AGK: variants seen among roughly 807,000 people sequenced by gnomAD.
AGK encodes acylglycerol kinase.
AGK carries 52 observed loss-of-function variants against 66.4 expected under a neutral mutation model. The observed-to-expected ratio is 0.78, with a 90% confidence interval of 0.63 to 0.99. The LOEUF (loss-of-function observed/expected upper bound fraction) is 0.99, where lower values mean the gene tolerates loss of function less well. AGK is among the 50% of genes least tolerant of loss of function. The pLI, the probability that AGK is intolerant of heterozygous loss-of-function variation, is 0.00. For missense variants in AGK, 451 were observed against 506.6 expected (o/e 0.89, Z 1.05); for synonymous variants, 182 against 181.1 (o/e 1.00, Z -0.04).
chr7:141,596,098 ATAGAG>A (rs1289174039), intron 3 of AGK, among the ~76,000 whole-genome samples: 2 of 152,226 alleles, frequency 1.3e-5, no homozygotes, highest in African/African-American at 4.8e-5. Context: ...GAGAAGGCAA[ATAGAG>A]TATTCGGTTT....
chr7:141,640,753 A>G (rs1797270158), intron 11 of AGK, among the ~76,000 whole-genome samples: 2 of 152,096 alleles, frequency 1.3e-5, no homozygotes, highest in Non-Finnish European at 2.9e-5. Flanking sequence ...ATAGAAGACA[A>G]AAAAAATTAG....
intron 7 of AGK, 112 bp from the exon 8 acceptor site, chr7:141,615,359 G>T: frequency 5.3e-6 from 4 of 749,674 alleles, no homozygotes; most frequent in Non-Finnish European, 8.9e-6. Flanking sequence ...AAAGGAGATG[G>T]GGAGGCAGAT....
At chr7:141,611,516 T>G (rs1796589136) in intron 6 of AGK, among the ~76,000 whole-genome samples, 2 of 152,194 alleles carry the variant, frequency 1.3e-5, no homozygotes, top group Non-Finnish European at 2.9e-5. Flanking sequence ...TATTATCATA[T>G]TTAAGTTTGA....
At chr7:141,582,700 T>C (rs1159565797) in intron 2 of AGK, among the ~76,000 whole-genome samples, 1 of 151,974 alleles carries the variant, frequency 6.6e-6, no homozygotes, top group African/African-American at 2.4e-5. Flanking sequence ...ACCTTGATTA[T>C]GCCTTTAGCT....
At chr7:141,597,350 A>G (rs994478852) in intron 4 of AGK, 2 of 152,202 alleles carry the variant, frequency 1.3e-5, no homozygotes, top group Admixed American at 6.6e-5. Flanking sequence ...GTGTGTGGAG[A>G]CTCAAAGTCT....
intron 6 of AGK, among the ~76,000 whole-genome samples, chr7:141,613,877 A>G (rs1405975950): frequency 6.6e-6 from 1 of 152,200 alleles, no homozygotes; most frequent in Non-Finnish European, 1.5e-5. Context: ...TAGAACTTAA[A>G]ACATATTTTT....
At position 141,598,996 on chromosome 7, in the gene AGK, C is replaced by G. The variant is rs763376039; in HGVS notation, c.222-2209C>G. 2.0e-5 allele frequency: 3 copies of G among 152,100 alleles called. No individual in the cohort carries two copies. The highest frequency in any genetic ancestry group is 4.4e-5 in the Non-Finnish European group (3 of 68,008). The allele number at this position is 152,100 out of a possible 1,614,324, so 9.4% of individuals were successfully genotyped here. On this transcript the variant is annotated intron_variant, in intron 4 of 15. Coordinates refer to ENST00000649286, the MANE Select transcript of AGK (RefSeq NM_018238.4). The surrounding 1 kb of genome is among the most constrained non-coding windows in gnomAD (Gnocchi z 4.2). ...TTGTTTAAAACTATAACATCTTTAT[C>G]TAAAGGTAAGCTAAAATACTGCCAC...
At chr7:141,649,236 T>C in intron 13 of AGK, 27 bp from the exon 14 acceptor site, 1 of 1,552,510 alleles carries the variant, frequency 6.4e-7, no homozygotes, top group Non-Finnish European at 8.9e-7. Context: ...TTAAGAGTAA[T>C]GACGTTAGTG....
intron 9 of AGK, among the ~76,000 whole-genome samples, chr7:141,633,145 G>A (rs1797094518): frequency 6.6e-6 from 1 of 152,162 alleles, no homozygotes; most frequent in Non-Finnish European, 1.5e-5. Flanking sequence ...GCTCTCTTTA[G>A]AGTGTGGGGG....
In AGK at chr7:141,611,338, A is replaced by G. The variant is rs528029944; in HGVS notation, c.390+51A>G. On this transcript the variant is annotated intron_variant, in intron 6 of 15. Transcript: ENST00000649286. ...TATTTTGAAGGTGAGAAAAATGGAA[A>G]TTAAATCCTAGAGCAATGGTATGTT... The G allele has an allele frequency of 5.2e-5, 71 of 1,360,908 alleles. No individual in the cohort carries two copies. In the Admixed American group the frequency reaches 6.3e-4, roughly 12 times the overall value. The allele number at this position is 1,360,908 out of a possible 1,614,324, so 84.3% of individuals were successfully genotyped here.
intron 5 of AGK, among the ~76,000 whole-genome samples, chr7:141,604,413 T>TAC (rs943060142): frequency 5.3e-5 from 7 of 132,734 alleles, no homozygotes; most frequent in African/African-American, 1.6e-4. Flanking sequence ...TACACATACA[T>TAC]ACACACACAC....
intron 2 of AGK, among the ~76,000 whole-genome samples, chr7:141,582,823 G>A (rs911337982): frequency 4.0e-5 from 6 of 151,832 alleles, no homozygotes; most frequent in African/African-American, 1.2e-4. Context: ...GGATTATAGG[G>A]TAGGGGAGCG....
At chr7:141,633,608 G>A (rs1333324573) in intron 9 of AGK, among the ~76,000 whole-genome samples, 3 of 152,170 alleles carry the variant, frequency 2.0e-5, no homozygotes, top group Non-Finnish European at 2.9e-5. Context: ...TGACTGGCTC[G>A]AGAGGTAACA....
At chr7:141,600,895 T>C (rs922372507) in intron 4 of AGK, among the ~76,000 whole-genome samples, 2 of 152,196 alleles carry the variant, frequency 1.3e-5, no homozygotes, top group African/African-American at 2.4e-5. Flanking sequence ...CATTGTTGCC[T>C]GAATGGAACC....
intron 5 of AGK, among the ~76,000 whole-genome samples, chr7:141,610,131 G>A (rs1006466524): frequency 3.3e-5 from 5 of 151,930 alleles, no homozygotes; most frequent in Admixed American, 6.6e-5. Flanking sequence ...ACCATGCCTG[G>A]ATAATTTTTG....
chr7:141,577,295 G>A (rs984503394), intron 2 of AGK, among the ~76,000 whole-genome samples: 13 of 152,136 alleles, frequency 8.5e-5, no homozygotes, highest in Non-Finnish European at 1.8e-4. Context: ...GATTTCATCT[G>A]CATGATAAAA....
intron 13 of AGK, among the ~76,000 whole-genome samples, chr7:141,642,245 T>G (rs1797307536): frequency 6.6e-6 from 1 of 152,196 alleles, no homozygotes; most frequent in Non-Finnish European, 1.5e-5. Flanking sequence ...TTTAGTTGAG[T>G]AAATATCCAC....
At chr7:141,601,329 T>A (rs1482223567) in intron 5 of AGK, 49 bp downstream of exon 5, 2 of 1,438,882 alleles carry the variant, frequency 1.4e-6, no homozygotes, top group South Asian at 1.2e-5. Flanking sequence ...CTGCCTCTTA[T>A]AACAACCTCT....
chr7:141,638,609 T>G (rs1348656112), intron 11 of AGK, among the ~76,000 whole-genome samples: 2 of 152,090 alleles, frequency 1.3e-5, no homozygotes, highest in Admixed American at 1.3e-4. Flanking sequence ...GGAAGTGACG[T>G]ATAGACTAAG....
Sources: gnomAD v4.1 joint callset for allele counts (sites outside exome capture counted in the v4.1 genomes callset) on GRCh38, gnomAD v4.1.1 for gene constraint, Gnocchi (gnomAD v3.1) non-coding constraint, MANE v1.5 for transcripts, NCBI Gene and HGNC (gene_info 2026-07-23, HGNC 2026-07-21) for gene names.